Variants in MBOAT2 observed in about 807,000 individuals in gnomAD.
MBOAT2 encodes membrane-bound glycerophospholipid O-acyltransferase 2.
A neutral mutation model predicts 63.4 loss-of-function variants in MBOAT2; 28 were observed. The ratio of observed to expected loss-of-function variants is 0.44; its 90% CI spans 0.33 to 0.61. MBOAT2 has a LOEUF of 0.61. Ranked by LOEUF, MBOAT2 falls within the 20% of genes least tolerant of loss-of-function variation. The pLI is 0.03. For synonymous variants in MBOAT2, 211 were observed against 215.6 expected, an observed-to-expected ratio of 0.98 and a Z score of 0.19; for missense variants, 470 against 605.8, an observed-to-expected ratio of 0.78 and a Z score of 2.35.
chr2:8,895,190 C>T (rs889923258), intron 4 of MBOAT2, among the ~76,000 whole-genome samples: 1 of 152,248 alleles, frequency 6.6e-6, no homozygotes, highest in African/African-American at 2.4e-5. Context: ...CTTTTATTCC[C>T]TTATTTGGCC....
At chr2:8,975,993 T>C (rs1390707966) in intron 1 of MBOAT2, among the ~76,000 whole-genome samples, 1 of 152,068 alleles carries the variant, frequency 6.6e-6, no homozygotes, top group Non-Finnish European at 1.5e-5. Context: ...GAAGCCCTGT[T>C]CTGCAGGACA....
intron 7 of MBOAT2, among the ~76,000 whole-genome samples, chr2:8,875,457 TTAC>T (rs1357949844): frequency 6.6e-6 from 1 of 152,184 alleles, no homozygotes; most frequent in Non-Finnish European, 1.5e-5. Flanking sequence ...CAAGTTTGAT[TTAC>T]TACTATCACT....
chr2:8,937,240 TA>T (rs1239328906), intron 3 of MBOAT2, among the ~76,000 whole-genome samples: 2 of 152,186 alleles, frequency 1.3e-5, no homozygotes, highest in African/African-American at 4.8e-5. Flanking sequence ...CCCAGTGTTC[TA>T]AATGAGGCAG....
At chr2:8,888,095 T>C (rs1410378214) in intron 4 of MBOAT2, 22 bp from the exon 5 acceptor site, 2 of 1,605,332 alleles carry the variant, frequency 1.2e-6, no homozygotes, top group Admixed American at 1.7e-5. Context: ...TAAAAAAAAT[T>C]AGTGTTTTAA....
At chr2:8,874,976 C>T (rs768815501) in intron 7 of MBOAT2, among the ~76,000 whole-genome samples, 1 of 152,222 alleles carries the variant, frequency 6.6e-6, no homozygotes, top group South Asian at 2.1e-4. Context: ...TATCAATGCA[C>T]TGCTTACAGG....
intron 7 of MBOAT2, among the ~76,000 whole-genome samples, chr2:8,875,244 A>T (rs1049970450): frequency 6.6e-6 from 1 of 152,154 alleles, no homozygotes; most frequent in Non-Finnish European, 1.5e-5. Context: ...CCACTATTTG[A>T]CTTTATAAAG....
Position 8,856,095 on chromosome 2 carries a change from C to G in MBOAT2, c.*2584G>C, listed in dbSNP as rs1661059136. 6.6e-6 allele frequency: 1 copy of G among 151,568 alleles called. No individual in the cohort carries two copies. Among genetic ancestry groups the G allele is most frequent in the African/African-American group, 2.4e-5 (1 of 41,242 alleles). 9.4% of individuals were successfully genotyped at this position (151,568 alleles called of 1,614,324 possible). A position where few individuals can be genotyped will look rare whatever the true frequency, so the allele number is the denominator to read the frequency against. ...ATTTCATGAAAATAACTAGTTGATT[C>G]AGGGGTATGAAAATCAGTCAAACTG... is the stretch of plus-strand genomic sequence containing the variant. On this transcript the variant is annotated 3_prime_UTR_variant, in exon 13 of 13. Coordinates refer to ENST00000305997, the MANE Select transcript of MBOAT2 (RefSeq NM_138799.4). The surrounding 1 kb of genome is among the most constrained non-coding windows in gnomAD (Gnocchi z 4.2).
intron 2 of MBOAT2, among the ~76,000 whole-genome samples, chr2:8,955,844 C>T (rs1046391005): frequency 1.3e-5 from 2 of 152,298 alleles, no homozygotes; most frequent in East Asian, 1.9e-4. Context: ...CTTCAGCAGA[C>T]AACACTCTGA....
In MBOAT2 at chr2:8,873,167, A is replaced by G. The variant is rs1308694066; in HGVS notation, c.824T>C (p.Ile275Thr). 4 of 1,614,196 alleles carry G rather than the reference A, an allele frequency of 2.5e-6. No homozygotes were observed. Among genetic ancestry groups the G allele is most frequent in the Non-Finnish European group, 3.4e-6 (4 of 1,180,024 alleles). ...AGCCAAAAGAGAGATATACAGATAGATAATCTTTGTTGGCCACGAAGCTGT... is the reference window on the plus strand; with the variant it reads ...AGCCAAAAGAGAGATATACAGATAGGTAATCTTTGTTGGCCACGAAGCTGT... ...QATASWPTKI[I>T]YLYISLLAAR... Residue 275 changes from isoleucine to threonine, a missense_variant, in exon 8 of 13, where the codon ATC becomes ACC. Ile to Thr is a moderately conservative substitution (Grantham distance 89). Around this residue, in one of 3 missense-constraint regions of MBOAT2, gnomAD observed 376 missense variants for 503.8 expected, o/e 0.75. Coordinates refer to ENST00000305997, the MANE Select transcript of MBOAT2 (RefSeq NM_138799.4).
chr2:8,912,868 A>G (rs1486212236), intron 3 of MBOAT2, among the ~76,000 whole-genome samples: 1 of 152,226 alleles, frequency 6.6e-6, no homozygotes, highest in Non-Finnish European at 1.5e-5. Context: ...GAACCAAAAA[A>G]GAGCCCGCAT....
chr2:8,923,299 C>G (rs980278998), intron 3 of MBOAT2, among the ~76,000 whole-genome samples: 8 of 152,158 alleles, frequency 5.3e-5, no homozygotes, highest in African/African-American at 1.9e-4. Flanking sequence ...CTCAACTACT[C>G]CTACAGAAAA....
At chr2:8,906,461 C>T (rs1004143065) in intron 4 of MBOAT2, among the ~76,000 whole-genome samples, 4 of 152,194 alleles carry the variant, frequency 2.6e-5, no homozygotes, top group Non-Finnish European at 5.9e-5. Flanking sequence ...GATTCCAGAG[C>T]CTGAAGGAGG....
intron 4 of MBOAT2, among the ~76,000 whole-genome samples, chr2:8,895,050 C>A (rs1385954756): frequency 6.6e-6 from 1 of 152,210 alleles, no homozygotes; most frequent in Non-Finnish European, 1.5e-5. Context: ...GTGAGTGTTA[C>A]CGCCTCATAA....
chr2:8,911,635 T>G (rs1665715935), intron 3 of MBOAT2, among the ~76,000 whole-genome samples: 1 of 152,068 alleles, frequency 6.6e-6, no homozygotes, highest in South Asian at 2.1e-4. Context: ...GTTCTCACTT[T>G]ATTTATTCCC....
chr2:8,941,735 C>T (rs1284458757), intron 3 of MBOAT2, among the ~76,000 whole-genome samples: 4 of 152,068 alleles, frequency 2.6e-5, no homozygotes, highest in African/African-American at 9.7e-5. Flanking sequence ...TACACAGTCA[C>T]ATGTGCACTA....
In MBOAT2 at chr2:8,856,802, A is replaced by T. The variant is rs1572894688; in HGVS notation, c.*1877T>A. ...ACTCCTGACCTCAAGTGATCCGCCC[A>T]CCTCGGCCTCCCAAAGTGCTAGGAT... On this transcript the variant is annotated 3_prime_UTR_variant, in exon 13 of 13. Coordinates refer to ENST00000305997, the MANE Select transcript of MBOAT2 (RefSeq NM_138799.4). This position sits in a 1 kb window ranked among gnomAD's most constrained non-coding sequence, Gnocchi z 4.2. 6.6e-6 allele frequency: 1 copy of T among 151,998 alleles called. No individual in the cohort carries two copies. The highest frequency in any genetic ancestry group is 6.6e-5 in the Admixed American group (1 of 15,256). 9.4% of individuals were successfully genotyped at this position (151,998 alleles called of 1,614,324 possible). A position where few individuals can be genotyped will look rare whatever the true frequency, so the allele number is the denominator to read the frequency against.
chr2:8,971,525 G>A (rs533717058), intron 1 of MBOAT2, among the ~76,000 whole-genome samples: 1 of 152,276 alleles, frequency 6.6e-6, no homozygotes, highest in Non-Finnish European at 1.5e-5. Context: ...AGGGCAATCA[G>A]GCAGGAGAAA....
rs558367331 is a variant in MBOAT2, at chr2:8,907,206, C to A, written c.395+1415G>T. Among the ~76,000 whole-genome samples the A allele has an allele frequency of 4.6e-5, 7 of 152,352 alleles. No homozygotes were observed. In the East Asian group the frequency reaches 1.3e-3, roughly 29 times the overall value. On this transcript the variant is annotated intron_variant, in intron 4 of 12. Transcript: ENST00000305997. ...TTAATTTCTCTTTCAGATGGCACAGCTTTGCCCACATGGCTCCAGTTTCTC... is the reference window on the plus strand; with the variant it reads ...TTAATTTCTCTTTCAGATGGCACAGATTTGCCCACATGGCTCCAGTTTCTC...
intron 1 of MBOAT2, among the ~76,000 whole-genome samples, chr2:8,984,172 T>C (rs970605434): frequency 3.3e-5 from 5 of 152,114 alleles, no homozygotes; most frequent in African/African-American, 9.7e-5. Flanking sequence ...ACAAACACTA[T>C]AGGTTTCCAC....
Sources: gnomAD v4.1 joint callset for allele counts (sites outside exome capture counted in the v4.1 genomes callset) on GRCh38, gnomAD v4.1.1 for gene constraint, gnomAD v4.1.1 regional missense constraint, Gnocchi (gnomAD v3.1) non-coding constraint, MANE v1.5 for transcripts, NCBI Gene and HGNC (gene_info 2026-07-23, HGNC 2026-07-21) for gene names.